Variants in SMC4 observed in about 807,000 individuals in gnomAD.
The protein encoded by SMC4 is structural maintenance of chromosomes protein 4.
In SMC4, 87 loss-of-function variants were observed where a neutral mutation model predicts 145.6. That is an observed-to-expected ratio of 0.60 (90% confidence interval 0.50 to 0.71). The LOEUF (loss-of-function observed/expected upper bound fraction) is 0.71. Ranked by LOEUF, SMC4 falls within the 30% of genes least tolerant of loss-of-function variation. SMC4 has a pLI of 0.00. For synonymous variants in SMC4, 558 were observed against 500.7 expected (o/e 1.11, Z -1.53); for missense variants, 1,447 against 1,537.1 (o/e 0.94, Z 0.98).
chr3:160,414,275 A>G lies in SMC4; in HGVS notation c.1122-92A>G, dbSNP rs746346716. The G allele has an allele frequency of 3.8e-5, 39 of 1,024,904 alleles. 1 individual carries two copies. In the South Asian group the frequency reaches 4.9e-4, roughly 13 times the overall value. The allele number at this position is 1,024,904 out of a possible 1,614,324, so 63.5% of individuals were successfully genotyped here. A position where few individuals can be genotyped will look rare whatever the true frequency, so the allele number is the denominator to read the frequency against. ...ATCCTGCCTTATTAAGAGCCTGGAC[A>G]TATTTATAGAGGAAGTGTTCCAGGT... On this transcript the variant is annotated intron_variant, in intron 8 of 23. Transcript: ENST00000357388.
rs1375727909 is a variant in SMC4 at position 160,426,149 on chromosome 3, G to A, written c.2554G>A (p.Asp852Asn). The change falls in exon 17 of 24, where the codon GAC becomes AAC. Residue 852 changes from aspartate to asparagine, a missense_variant. Physicochemically the swap from Asp to Asn is conservative, Grantham distance 23 (BLOSUM62 1). Transcript: ENST00000357388. ...AGCTAATGTACTTGCTACAGCCCCT[G>A]ACAAAAAAAAGCAGAAATTGCTAGA... The part of the protein sequence containing the change: ...LEANVLATAP[D>N]KKKQKLLEEN... 1 of 1,608,128 alleles carries A rather than the reference G, an allele frequency of 6.2e-7. No individual in the cohort carries two copies. The highest frequency in any genetic ancestry group is 1.3e-5 in the African/African-American group (1 of 74,516).
Position 160,423,661 on chromosome 3 carries a change from T to C in SMC4, c.2245+11T>C. On this transcript the variant is annotated intron_variant, in intron 14 of 23. Coordinates refer to ENST00000357388, the MANE Select transcript of SMC4 (RefSeq NM_001002800.3). ...TCATAGAACAGTCAGGTAATAGTGT[T>C]TTTGTTTCTTGGTTTGTTTTTTTTT... 1 of 1,602,846 alleles carries C rather than the reference T, an allele frequency of 6.2e-7. No homozygotes were observed. Among genetic ancestry groups the C allele is most frequent in the East Asian group, 2.2e-5 (1 of 44,728 alleles).
intron 20 of SMC4, 58 bp from the exon 21 acceptor site, chr3:160,431,585 C>A: frequency 1.6e-6 from 2 of 1,249,152 alleles, no homozygotes; most frequent in Non-Finnish European, 2.2e-6. Context: ...TTTTTTTAAA[C>A]AATGAATTGT....
At chr3:160,410,471 A>G (rs1048117755) in intron 5 of SMC4, among the ~76,000 whole-genome samples, 6 of 152,222 alleles carry the variant, frequency 3.9e-5, no homozygotes, top group African/African-American at 9.6e-5. Flanking sequence ...TCTTGCTGCA[A>G]ACATTTAGAG....
At chr3:160,431,363 A>G (rs1002855638) in intron 20 of SMC4, among the ~76,000 whole-genome samples, 158 bp downstream of exon 20, 10 of 152,208 alleles carry the variant, frequency 6.6e-5, no homozygotes, top group African/African-American at 2.2e-4. Context: ...TATAGGGGAC[A>G]TAACAATATA....
intron 5 of SMC4, among the ~76,000 whole-genome samples, chr3:160,410,477 TAGAG>T (rs1386867195): frequency 6.6e-6 from 1 of 152,200 alleles, no homozygotes; most frequent in Non-Finnish European, 1.5e-5. Flanking sequence ...TGCAAACATT[TAGAG>T]AGAACTAACA....
At chr3:160,430,861 T>C (rs1718327982) in intron 19 of SMC4, 118 bp downstream of exon 19, 1 of 1,262,876 alleles carries the variant, frequency 7.9e-7, no homozygotes, top group South Asian at 1.6e-5. Context: ...GTTTTATAAC[T>C]ATCAATTTTT....
At chr3:160,401,075 G>T in intron 2 of SMC4, 110 bp downstream of exon 2, 2 of 1,289,484 alleles carry the variant, frequency 1.6e-6, no homozygotes, top group East Asian at 3.2e-5. Flanking sequence ...ACATCTGAAG[G>T]TCCGGTGTCG....
intron 23 of SMC4, 71 bp downstream of exon 23, chr3:160,433,280 T>C: frequency 9.2e-7 from 1 of 1,081,794 alleles, no homozygotes; most frequent in Non-Finnish European, 1.4e-6. Flanking sequence ...CATGGAATTC[T>C]TTATTTCTTA....
At chr3:160,431,958 T>G in intron 21 of SMC4, 133 bp downstream of exon 21, 1 of 919,032 alleles carries the variant, frequency 1.1e-6, no homozygotes, top group Non-Finnish European at 1.6e-6. Context: ...TCCCAGCACT[T>G]TGGGAGGCCA....
At chr3:160,427,978 G>A (rs1002832609) in intron 17 of SMC4, among the ~76,000 whole-genome samples, 2 of 152,108 alleles carry the variant, frequency 1.3e-5, no homozygotes, top group African/African-American at 4.8e-5. Context: ...GGGTGTGGTG[G>A]CACATGCTTA....
intron 16 of SMC4, 67 bp downstream of exon 16, chr3:160,425,086 C>G (rs1717641653): frequency 6.8e-7 from 1 of 1,479,954 alleles, no homozygotes; most frequent in African/African-American, 1.5e-5. Context: ...TGGAATTTAT[C>G]AGAACCATTT....
At chr3:160,416,649 A>T in intron 10 of SMC4, 1 of 277,106 alleles carries the variant, frequency 3.6e-6, no homozygotes, top group Non-Finnish European at 6.8e-6. Flanking sequence ...GTGTGATGTC[A>T]AATACAGTAC....
intron 22 of SMC4, 184 bp from the exon 23 acceptor site, chr3:160,432,842 T>C (rs1577002014): frequency 7.1e-6 from 4 of 563,640 alleles, no homozygotes; most frequent in East Asian, 5.6e-5. Context: ...CTTTGGTATG[T>C]GCTCCTATGT....
chr3:160,418,005 G>A (rs1344492358), intron 11 of SMC4, 49 bp downstream of exon 11: 4 of 1,468,594 alleles, frequency 2.7e-6, no homozygotes, highest in African/African-American at 2.8e-5. Flanking sequence ...GTCCACTTCA[G>A]CTTTATACAT....
Position 160,433,840 on chromosome 3 carries a change from C to A in SMC4, c.*31C>A. ...ATGCTGAAGATTCTTCAAGTTGATT[C>A]AGTGTATTACTGATTTTTTTCTATT... On this transcript the variant is annotated 3_prime_UTR_variant, in exon 24 of 24. Coordinates refer to ENST00000357388, the MANE Select transcript of SMC4 (RefSeq NM_001002800.3). 3 of 1,537,666 alleles carry A rather than the reference C, an allele frequency of 2.0e-6. No individual in the cohort carries two copies. Among genetic ancestry groups the A allele is most frequent in the South Asian group, 1.2e-5 (1 of 81,826 alleles).
At chr3:160,403,518 A>G (rs1714947317) in intron 4 of SMC4, among the ~76,000 whole-genome samples, 1 of 152,176 alleles carries the variant, frequency 6.6e-6, no homozygotes, top group Non-Finnish European at 1.5e-5. Context: ...AAAACTAATT[A>G]CATAATGAAA....
intron 1 of SMC4, 89 bp from the exon 2 acceptor site, chr3:160,400,733 A>T (rs903841189): frequency 7.3e-7 from 1 of 1,375,120 alleles, no homozygotes; most frequent in Non-Finnish European, 9.4e-7. Context: ...GGGCTCTCGG[A>T]AGCCGGTGGA....
At chr3:160,412,196 G>A (rs1302926099) in intron 6 of SMC4, 112 bp downstream of exon 6, 1 of 1,419,646 alleles carries the variant, frequency 7.0e-7, no homozygotes, top group East Asian at 2.4e-5. Flanking sequence ...GTGTTATATT[G>A]AAATTTATAT....
Sources: gnomAD v4.1 joint callset for allele counts (sites outside exome capture counted in the v4.1 genomes callset) on GRCh38, gnomAD v4.1.1 for gene constraint, MANE v1.5 for transcripts, NCBI Gene and HGNC (gene_info 2026-07-23, HGNC 2026-07-21) for gene names.